The following PEG3 variants were observed in gnomAD, a reference collection of about 807,000 sequenced individuals.
PEG3 encodes paternally expressed 3.
In PEG3, 23 loss-of-function variants were observed where a neutral mutation model predicts 35.5. That is an observed-to-expected ratio of 0.65 (90% CI 0.47 to 0.92). The LOEUF is 0.92. Ranked by LOEUF, PEG3 falls within the 40% of genes least tolerant of loss-of-function variation. The pLI, the probability that PEG3 is intolerant of heterozygous loss-of-function variation, is 0.00. For missense variants in PEG3, 1,960 were observed against 1,985.3 expected, an observed-to-expected ratio of 0.99 and a Z score of 0.24; for synonymous variants, 707 against 697.0, an observed-to-expected ratio of 1.01 and a Z score of -0.23.
At chr19:56,828,421 C>CAA (rs1260451475) in intron 2 of PEG3, among the ~76,000 whole-genome samples, 1 of 152,184 alleles carries the variant, frequency 6.6e-6, no homozygotes, top group Admixed American at 6.5e-5. Context: ...AAATCTAACT[C>CAA]ACAGACCCAT....
At chr19:56,822,966 A>G in intron 5 of PEG3, 130 bp from the exon 6 acceptor site, 3 of 1,238,954 alleles carry the variant, frequency 2.4e-6, no homozygotes, top group Middle Eastern at 1.9e-4. Flanking sequence ...CAAAACAGAG[A>G]GCTCCAGGTT....
chr19:56,824,596 C>G lies in PEG3; in HGVS notation c.60G>C (p.Leu20=). The G allele has an allele frequency of 6.2e-7, 1 of 1,613,806 alleles. No individual in the cohort carries two copies. Among genetic ancestry groups the G allele is most frequent in the Non-Finnish European group, 8.5e-7 (1 of 1,179,714 alleles). Residue 20 remains leucine, a synonymous_variant, in exon 4 of 10, where the codon CTG becomes CTC. Transcript: ENST00000326441. ...TKPKKSWAPN[L]YELDSDLTKE... ...TAGTCAAGTCACTGTCTAGCTCATA[C>G]AGATTTGGGGCCCAGGACTTCTTAG... is the stretch of plus-strand genomic sequence containing the variant.
At chr19:56,833,115 G>A (rs561505658) in intron 2 of PEG3, 95 of 513,256 alleles carry the variant, frequency 1.9e-4, no homozygotes, top group African/African-American at 4.4e-4. Flanking sequence ...ACTAGAAAGC[G>A]TCTGGGACCA....
Position 56,824,311 on chromosome 19 carries a change from C to T in PEG3, c.345G>A (p.Glu115=), listed in dbSNP as rs745395247. 2.5e-6 allele frequency: 4 copies of T among 1,614,108 alleles called. No individual in the cohort carries two copies. Among genetic ancestry groups the T allele is most frequent in the Non-Finnish European group, 3.4e-6 (4 of 1,180,026 alleles). ...WVRAKKPENC[E]KLVTLLENYK... ...AATTCTCCAGCAGAGTGACGAGCTT[C>T]TCACAGTTCTCCGGCTTTTTTGCTC... The change falls in exon 4 of 10, where the codon GAG becomes GAA. Residue 115 remains glutamate (E), a synonymous_variant. Coordinates refer to ENST00000326441, the MANE Select transcript of PEG3 (RefSeq NM_006210.3).
intron 1 of PEG3, among the ~76,000 whole-genome samples, chr19:56,836,528 T>C (rs552613996): frequency 4.9e-4 from 74 of 152,320 alleles, no homozygotes; most frequent in South Asian, 4.3e-3. Flanking sequence ...AGTGGACTAA[T>C]AGGACATAGT....
chr19:56,840,559 G>A (rs545877306), intron 1 of PEG3, 23 bp downstream of exon 1: 1 of 152,428 alleles, frequency 6.6e-6, no homozygotes, highest in East Asian at 1.9e-4. Flanking sequence ...GGAGGCGCGC[G>A]GGGCGGCCGA....
intron 1 of PEG3, among the ~76,000 whole-genome samples, chr19:56,838,191 A>T (rs765404347): frequency 2.9e-4 from 44 of 152,302 alleles, no homozygotes; most frequent in Middle Eastern, 3.4e-3. Flanking sequence ...AGTCATTCAA[A>T]CCAGTGCCTG....
intron 7 of PEG3, among the ~76,000 whole-genome samples, chr19:56,820,801 C>T (rs904073650): frequency 6.6e-6 from 1 of 152,214 alleles, no homozygotes; most frequent in Non-Finnish European, 1.5e-5. Flanking sequence ...CAGGGCAGGG[C>T]CCCTCTCTGT....
chr19:56,812,947 A>G lies in PEG3; in HGVS notation c.*728T>C, dbSNP rs1296561831. On this transcript the variant is annotated 3_prime_UTR_variant, in exon 10 of 10. Coordinates refer to ENST00000326441, the MANE Select transcript of PEG3 (RefSeq NM_006210.3). ...CAATCCGTATATTGTAAAGCCTTAC[A>G]CAGTATTAGGTTCCAAAGTGTTGGC... 7.1e-6 allele frequency: 7 copies of G among 985,830 alleles called. No individual in the cohort carries two copies. The highest frequency in any genetic ancestry group is 4.7e-5 in the South Asian group (1 of 21,292). The allele number at this position is 985,830 out of a possible 1,614,324, so 61.1% of individuals were successfully genotyped here.
rs1187261367 is a variant in PEG3 at position 56,814,241 on chromosome 19, C to A, written c.4201G>T (p.Ala1401Ser). The A allele has an allele frequency of 6.2e-7, 1 of 1,613,438 alleles. No homozygotes were observed. Among genetic ancestry groups the A allele is most frequent in the African/African-American group, 1.3e-5 (1 of 75,040 alleles). Residue 1401 changes from alanine to serine, a missense_variant, in exon 10 of 10, where the codon GCT becomes TCT. Coordinates refer to ENST00000326441, the MANE Select transcript of PEG3 (RefSeq NM_006210.3). The surrounding 1 kb of genome is among the most constrained non-coding windows in gnomAD (Gnocchi z 5.8). ...NVEAAEPEVE[A>S]AEPEVEAAEP... is the part of the protein sequence containing the mutation. ...GCAGCCTCCACTTCTGGCTCGGCAG[C>A]CTCCACTTCTGGCTCAGCAGCCTCT...
At chr19:56,827,349 T>C (rs905215180) in intron 2 of PEG3, among the ~76,000 whole-genome samples, 7 of 152,008 alleles carry the variant, frequency 4.6e-5, no homozygotes, top group East Asian at 1.9e-4. Flanking sequence ...ACCAGGCCAA[T>C]AGAACTTGGC....
chr19:56,831,392 T>C (rs970161646), intron 2 of PEG3, among the ~76,000 whole-genome samples: 1 of 152,226 alleles, frequency 6.6e-6, no homozygotes, highest in African/African-American at 2.4e-5. Flanking sequence ...AAAAAGGCCA[T>C]GACAGGACCG....
rs553840857 is a variant in PEG3 at position 56,827,134 on chromosome 19, C to T, written c.-162-671G>A. ...AACTTTCTGTGAATAAAATATTTAC[C>T]GTGTTATAAAAACCATTCCAGAGCA... On this transcript the variant is annotated intron_variant, in intron 2 of 9. Coordinates refer to ENST00000326441, the MANE Select transcript of PEG3 (RefSeq NM_006210.3). Among the ~76,000 whole-genome samples, 3 of 152,180 alleles carry T rather than the reference C, an allele frequency of 2.0e-5. No individual in the cohort carries two copies. The South Asian group carries it at 6.2e-4, about 32-fold the overall frequency.
At chr19:56,818,545 T>C (rs1237179597) in intron 8 of PEG3, 55 bp downstream of exon 8, 6 of 1,593,122 alleles carry the variant, frequency 3.8e-6, no homozygotes, top group Non-Finnish European at 2.6e-6. Context: ...AGGAGCAAGA[T>C]GACAAAATGC....
In PEG3 at chr19:56,817,744, A is replaced by C. The variant is rs1197806951; in HGVS notation, c.862+2T>G. 1 of 1,613,522 alleles carries C rather than the reference A, an allele frequency of 6.2e-7. No individual in the cohort carries two copies. Among genetic ancestry groups the C allele is most frequent in the Non-Finnish European group, 8.5e-7 (1 of 1,179,466 alleles). On this transcript the variant is annotated splice_donor_variant, in intron 9 of 9. Transcript: ENST00000326441. LOFTEE classifies it high-confidence loss of function. ...CCTCTGTGGGATGTGCCTCCTGCTT[A>C]CCTCGACTGGTGCTTGGGTAGGCAC...
Position 56,818,631 on chromosome 19 carries a change from G to A in PEG3, c.741C>T (p.Asn247=). ...DRKPHNTIQD[N]MENYRKLLSL... is the part of the protein sequence containing the mutation. ...AGAGCAGCTTCCTGTAGTTTTCCAT[G>A]TTGTCCTGGATTGTGTTGTGAGGTT... The change falls in exon 8 of 10, where the codon AAC becomes AAT. Residue 247 remains asparagine, a synonymous_variant. Coordinates refer to ENST00000326441, the MANE Select transcript of PEG3 (RefSeq NM_006210.3). 2.5e-6 allele frequency: 4 copies of A among 1,614,134 alleles called. No homozygotes were observed. Among genetic ancestry groups the A allele is most frequent in the African/African-American group, 1.3e-5 (1 of 75,028 alleles).
In PEG3 at chr19:56,813,209, A is replaced by C; in HGVS notation, c.*466T>G. On this transcript the variant is annotated 3_prime_UTR_variant, in exon 10 of 10. Coordinates refer to ENST00000326441, the MANE Select transcript of PEG3 (RefSeq NM_006210.3). ...TTGCTCTCTTCCTCCTCCAAAAAAAAAAAAAATTCAAAGAATACCAGGTAA... is the reference window on the plus strand; with the variant it reads ...TTGCTCTCTTCCTCCTCCAAAAAAACAAAAAATTCAAAGAATACCAGGTAA... 1.0e-6 allele frequency: 1 copy of C among 984,422 alleles called. No individual in the cohort carries two copies. The highest frequency in any genetic ancestry group is 4.7e-5 in the South Asian group (1 of 21,266). The allele number at this position is 984,422 out of a possible 1,614,324, so 61.0% of individuals were successfully genotyped here.
At chr19:56,823,703 T>C (rs1461062192) in intron 4 of PEG3, 24 bp from the exon 5 acceptor site, 3 of 1,613,762 alleles carry the variant, frequency 1.9e-6, no homozygotes, top group East Asian at 2.2e-5. Flanking sequence ...GGTCGCCAAG[T>C]TACTATCTCT....
chr19:56,818,680 A>G lies in PEG3; in HGVS notation c.692T>C (p.Val231Ala). 1.9e-6 allele frequency: 3 copies of G among 1,614,176 alleles called. No individual in the cohort carries two copies. Among genetic ancestry groups the G allele is most frequent in the South Asian group, 1.1e-5 (1 of 91,086 alleles). ...RSQDAESYQN[V>A]VDLAEDRKPH... ...TTTCCTGTCCTCAGCGAGGTCCACC[A>G]CATTTTGGTATGATTCAGCATCCTA... The change falls in exon 8 of 10, where the codon GTG (valine) becomes GCG (alanine). Residue 231 changes from valine (V) to alanine (A), a missense_variant. This residue lies in a region of PEG3 where 613 missense variants were observed against 577.1 expected (regional missense o/e 1.06). Transcript: ENST00000326441.
Sources: gnomAD v4.1 joint callset for allele counts (sites outside exome capture counted in the v4.1 genomes callset) on GRCh38, gnomAD v4.1.1 for gene constraint, gnomAD v4.1.1 regional missense constraint, Gnocchi (gnomAD v3.1) non-coding constraint, MANE v1.5 for transcripts, NCBI Gene and HGNC (gene_info 2026-07-23, HGNC 2026-07-21) for gene names.